The following CHD6 variants were observed in gnomAD, a reference collection of about 807,000 sequenced individuals.
The protein encoded by CHD6 is ATP-dependent chromatin remodeler CHD6.
In CHD6, 50 loss-of-function variants were observed where a neutral mutation model predicts 276.9. The ratio of observed to expected loss-of-function variants is 0.18; its 90% confidence interval spans 0.14 to 0.23. The LOEUF (loss-of-function observed/expected upper bound fraction) is 0.23, where lower values mean the gene tolerates loss of function less well. Among genes scored for constraint, CHD6 ranks in the 10% least tolerant of loss-of-function variants. The pLI is 1.00. For synonymous variants in CHD6, 1,173 were observed against 1,229.3 expected (o/e 0.95, Z 0.96); for missense variants, 2,564 against 3,365.8 (o/e 0.76, Z 5.89).
rs1369131732 is a variant in CHD6 at position 41,618,332 on chromosome 20, G to C, written c.-24+8C>G. 1 of 152,070 alleles carries C rather than the reference G, an allele frequency of 6.6e-6. No homozygotes were observed. Among genetic ancestry groups the C allele is most frequent in the Non-Finnish European group, 1.5e-5 (1 of 68,044 alleles). 9.4% of individuals were successfully genotyped at this position (152,070 alleles called of 1,614,324 possible). A position where few individuals can be genotyped will look rare whatever the true frequency, so the allele number is the denominator to read the frequency against. Reference sequence around the variant, plus strand: ...GGAGGAAAATAAAAAGTTAAGAGAAGAACTTACCTAAAATGGCTCCTGCAG... The same window carrying C: ...GGAGGAAAATAAAAAGTTAAGAGAACAACTTACCTAAAATGGCTCCTGCAG... On this transcript the variant is annotated splice_region_variant and intron_variant, in intron 1 of 36. Transcript: ENST00000373233.
At chr20:41,477,973 G>T (rs999083530) in intron 16 of CHD6, among the ~76,000 whole-genome samples, 5 of 152,156 alleles carry the variant, frequency 3.3e-5, no homozygotes, top group Non-Finnish European at 7.4e-5. Flanking sequence ...TGCTGAAAAG[G>T]GGAAAAGAGA....
At chr20:41,561,016 T>C (rs577477487) in intron 1 of CHD6, among the ~76,000 whole-genome samples, 65 of 152,174 alleles carry the variant, frequency 4.3e-4, no homozygotes, top group Middle Eastern at 3.2e-3. Context: ...CTTCTTCCTA[T>C]GGAACAGGAG....
intron 1 of CHD6, among the ~76,000 whole-genome samples, chr20:41,558,247 T>G (rs1181129865): frequency 6.6e-6 from 1 of 152,032 alleles, no homozygotes; most frequent in African/African-American, 2.4e-5. Flanking sequence ...TAGCAAGGGG[T>G]TGAAGTACCA....
chr20:41,507,391 T>A (rs2044002408), intron 5 of CHD6, among the ~76,000 whole-genome samples: 1 of 61,566 alleles, frequency 1.6e-5, no homozygotes, highest in Non-Finnish European at 2.5e-5. Flanking sequence ...AAATTTCAAT[T>A]TTTTTTTTTT....
At chr20:41,485,240 G>A (rs2043385853) in intron 14 of CHD6, among the ~76,000 whole-genome samples, 1 of 152,122 alleles carries the variant, frequency 6.6e-6, no homozygotes, top group Admixed American at 6.5e-5. Flanking sequence ...GGCCTGGACA[G>A]CAGATCTTTA....
chr20:41,585,397 G>A (rs1380496374), intron 1 of CHD6, among the ~76,000 whole-genome samples: 1 of 151,866 alleles, frequency 6.6e-6, no homozygotes, highest in Non-Finnish European at 1.5e-5. Flanking sequence ...CTACTCGGGA[G>A]GCTGAGGCAG....
chr20:41,575,624 A>C (rs1045818189), intron 1 of CHD6, among the ~76,000 whole-genome samples: 1 of 152,202 alleles, frequency 6.6e-6, no homozygotes, highest in African/African-American at 2.4e-5. Context: ...CCAACAGAAA[A>C]ACAAAAAACA....
intron 5 of CHD6, among the ~76,000 whole-genome samples, chr20:41,507,139 CTTCT>C (rs1401237046): frequency 6.6e-6 from 1 of 152,236 alleles, no homozygotes; most frequent in Non-Finnish European, 1.5e-5. Flanking sequence ...ACAAAGTTCT[CTTCT>C]TTACTACTAG....
chr20:41,506,395 T>C lies in CHD6; in HGVS notation c.852+6451A>G, dbSNP rs540189378. On this transcript the variant is annotated intron_variant, in intron 5 of 36. Coordinates refer to ENST00000373233, the MANE Select transcript of CHD6 (RefSeq NM_032221.5). Reference sequence around the variant, plus strand: ...GTCCATTCTTCATGCATACCAAGCATGCCTCTACCTCAGGACTTTGTATAG... The same window carrying C: ...GTCCATTCTTCATGCATACCAAGCACGCCTCTACCTCAGGACTTTGTATAG... Among the ~76,000 whole-genome samples, 123 of 152,022 alleles carry C rather than the reference T, an allele frequency of 8.1e-4. 1 individual carries two copies. Among genetic ancestry groups the C allele is most frequent in the African/African-American group, 2.7e-3 (113 of 41,522 alleles).
intron 1 of CHD6, among the ~76,000 whole-genome samples, chr20:41,614,107 A>G (rs1031656591): frequency 3.3e-5 from 5 of 152,198 alleles, no homozygotes; most frequent in African/African-American, 1.2e-4. Flanking sequence ...AAAGAATAAC[A>G]TATTTGATCC....
chr20:41,582,149 A>C (rs919026959), intron 1 of CHD6, among the ~76,000 whole-genome samples: 9 of 152,182 alleles, frequency 5.9e-5, no homozygotes, highest in Non-Finnish European at 8.8e-5. Flanking sequence ...TAAAAAAAAA[A>C]CCTACACCTA....
chr20:41,461,629 T>TTAAAC (rs1262110252), intron 17 of CHD6: 2 of 152,978 alleles, frequency 1.3e-5, no homozygotes, highest in Non-Finnish European at 2.9e-5. Context: ...GTACGTCCAA[T>TTAAAC]TAAACTTCTT....
chr20:41,428,903 T>C (rs1479203908), intron 27 of CHD6, among the ~76,000 whole-genome samples: 1 of 152,172 alleles, frequency 6.6e-6, no homozygotes, highest in East Asian at 1.9e-4. Context: ...TGTGAAAGTA[T>C]ACACAAATAC....
intron 22 of CHD6, 111 bp from the exon 23 acceptor site, chr20:41,451,216 G>A (rs1457868412): frequency 2.2e-6 from 2 of 906,972 alleles, no homozygotes; most frequent in African/African-American, 1.6e-5. Context: ...CTGTGCTCTG[G>A]ATGGCAGACC....
At position 41,580,646 on chromosome 20, in the gene CHD6, A is replaced by C. The variant is rs80103333; in HGVS notation, c.-23-29286T>G. 4.5e-5 allele frequency among the ~76,000 whole-genome samples: 3 copies of C among 67,106 alleles called. No homozygotes were observed. The East Asian group carries it at 1.8e-3, about 40-fold the overall frequency. 44.0% of individuals were successfully genotyped at this position (67,106 alleles called of 152,430 possible). Reference sequence around the variant, plus strand: ...GGGTGACACAGTGAAACCCAGTCTCAAAAAAAAAAAAAAAAAGGAAAAGAC... The same window carrying C: ...GGGTGACACAGTGAAACCCAGTCTCCAAAAAAAAAAAAAAAAGGAAAAGAC... On this transcript the variant is annotated intron_variant, in intron 1 of 36. Transcript: ENST00000373233.
chr20:41,468,563 T>G (rs1404489795), intron 17 of CHD6, among the ~76,000 whole-genome samples: 2 of 152,236 alleles, frequency 1.3e-5, no homozygotes, highest in Non-Finnish European at 2.9e-5. Context: ...ATACTTTAAG[T>G]AACACCTGGC....
chr20:41,477,160 G>A (rs2043187031), intron 16 of CHD6, among the ~76,000 whole-genome samples: 1 of 152,114 alleles, frequency 6.6e-6, no homozygotes. Context: ...AGGATTGCTT[G>A]GGCCCATGAG....
At chr20:41,601,914 C>A (rs974801638) in intron 1 of CHD6, among the ~76,000 whole-genome samples, 2 of 152,168 alleles carry the variant, frequency 1.3e-5, no homozygotes, top group Non-Finnish European at 2.9e-5. Context: ...TACCTGGCAC[C>A]GGCACCAAAT....
chr20:41,520,152 A>G (rs1162402663), intron 3 of CHD6, among the ~76,000 whole-genome samples: 2 of 152,236 alleles, frequency 1.3e-5, no homozygotes, highest in African/African-American at 4.8e-5. Flanking sequence ...AATGGTGATC[A>G]TTAAAAAGTC....
Sources: gnomAD v4.1 joint callset for allele counts (sites outside exome capture counted in the v4.1 genomes callset) on GRCh38, gnomAD v4.1.1 for gene constraint, MANE v1.5 for transcripts, NCBI Gene and HGNC (gene_info 2026-07-23, HGNC 2026-07-21) for gene names.